Variants in KIAA1958 observed in about 807,000 individuals in gnomAD.
KIAA1958 encodes the protein uncharacterized protein KIAA1958.
KIAA1958 carries 14 observed loss-of-function variants against 47.2 expected under a neutral mutation model. That is an observed-to-expected ratio of 0.30 (90% CI 0.20 to 0.46). The LOEUF is 0.46. KIAA1958 is among the 20% of genes least tolerant of loss of function. KIAA1958 has a pLI of 1.00. For synonymous variants in KIAA1958, 354 were observed against 353.3 expected, an observed-to-expected ratio of 1.00 and a Z score of -0.02; for missense variants, 803 against 909.2, an observed-to-expected ratio of 0.88 and a Z score of 1.50.
chr9:112,517,373 T>A lies in KIAA1958; in HGVS notation c.-25+30255T>A, dbSNP rs1027182118. The stretch of plus-strand genomic sequence containing the variant: ...TGAATTTCATTTTATTTTTGAAAAA[T>A]TTTTTTTCAATAAACCTTTTGCACT... On this transcript the variant is annotated intron_variant, in intron 1 of 3. Transcript: ENST00000337530. Among the ~76,000 whole-genome samples the A allele has an allele frequency of 3.9e-5, 6 of 152,232 alleles. No individual in the cohort carries two copies. The East Asian group carries it at 5.8e-4, about 15-fold the overall frequency.
rs138633238 is a variant in KIAA1958, at chr9:112,629,233, A to G, written c.1172-16417A>G. Among the ~76,000 whole-genome samples the G allele has an allele frequency of 2.5e-3, 375 of 152,266 alleles. 2 individuals carry two copies. The highest frequency in any genetic ancestry group is 8.7e-3 in the African/African-American group (363 of 41,556). ...TAACCACAATTAATACTTAGAGAAA[A>G]TTGTTTCAACAGATTAACTCTGCTA... On this transcript the variant is annotated intron_variant, in intron 2 of 3. Transcript: ENST00000337530.
At position 112,635,319 on chromosome 9, in the gene KIAA1958, C is replaced by T. The variant is rs760254080; in HGVS notation, c.1172-10331C>T. On this transcript the variant is annotated intron_variant, in intron 2 of 3. Coordinates refer to ENST00000337530, the MANE Select transcript of KIAA1958 (RefSeq NM_133465.4). ...AGGCTGGAGTGCAGTGGTGCAATCT[C>T]GGTTCACTACAACCTCTGCCTCCCA... is the stretch of plus-strand genomic sequence containing the variant. 3.3e-5 allele frequency among the ~76,000 whole-genome samples: 5 copies of T among 150,902 alleles called. No homozygotes were observed. The Admixed American group carries it at 3.3e-4, about 10-fold the overall frequency.
At chr9:112,494,071 C>T (rs1834013875) in intron 1 of KIAA1958, among the ~76,000 whole-genome samples, 1 of 152,212 alleles carries the variant, frequency 6.6e-6, no homozygotes, top group Non-Finnish European at 1.5e-5. Flanking sequence ...TTTGCTGAGT[C>T]ATATTCTATT....
At chr9:112,497,259 T>C (rs1007351734) in intron 1 of KIAA1958, among the ~76,000 whole-genome samples, 1 of 152,154 alleles carries the variant, frequency 6.6e-6, no homozygotes, top group Non-Finnish European at 1.5e-5. Flanking sequence ...TGTAACTGTA[T>C]TTAGAAGCTA....
intron 1 of KIAA1958, among the ~76,000 whole-genome samples, chr9:112,534,691 C>T (rs982773394): frequency 1.3e-5 from 2 of 151,990 alleles, no homozygotes; most frequent in African/African-American, 4.8e-5. Flanking sequence ...TTATGGCATC[C>T]ACCACCATGC....
chr9:112,533,218 A>G (rs1455870544), intron 1 of KIAA1958, among the ~76,000 whole-genome samples: 2 of 152,036 alleles, frequency 1.3e-5, no homozygotes, highest in South Asian at 2.1e-4. Context: ...TAAGGGATGT[A>G]TTAATCTGTT....
At chr9:112,487,490 T>TGGGAAGGAGGGC (rs1288413746) in intron 1 of KIAA1958, among the ~76,000 whole-genome samples, 2 of 151,608 alleles carry the variant, frequency 1.3e-5, no homozygotes, top group African/African-American at 2.4e-5. Flanking sequence ...CTGTCGGAGG[T>TGGGAAGGAGGGC]GGGAAGGAGG....
chr9:112,559,173 G>A (rs1835288973), intron 1 of KIAA1958, among the ~76,000 whole-genome samples: 1 of 152,152 alleles, frequency 6.6e-6, no homozygotes, highest in Non-Finnish European at 1.5e-5. Context: ...TGGAGTCAAG[G>A]GTGACTTGCA....
Position 112,489,773 on chromosome 9 carries a change from C to T in KIAA1958, c.-25+2655C>T, listed in dbSNP as rs1336541903. Among the ~76,000 whole-genome samples, 5 of 151,916 alleles carry T rather than the reference C, an allele frequency of 3.3e-5. No homozygotes were observed. In the East Asian group the frequency reaches 7.7e-4, roughly 23 times the overall value. On this transcript the variant is annotated intron_variant, in intron 1 of 3. Coordinates refer to ENST00000337530, the MANE Select transcript of KIAA1958 (RefSeq NM_133465.4). Reference sequence around the variant, plus strand: ...TTCTCTTTTTAAAACAACATTAAGCCGTCCACAGTTAAATTTGATAGGCTT... The same window carrying T: ...TTCTCTTTTTAAAACAACATTAAGCTGTCCACAGTTAAATTTGATAGGCTT...
chr9:112,656,777 C>T (rs558994343), intron 3 of KIAA1958, among the ~76,000 whole-genome samples: 50 of 152,242 alleles, frequency 3.3e-4, no homozygotes, highest in African/African-American at 1.2e-3. Flanking sequence ...TATTGAGATC[C>T]TTTACCTTTT....
intron 2 of KIAA1958, among the ~76,000 whole-genome samples, chr9:112,629,902 C>G (rs1018918206): frequency 6.6e-6 from 1 of 152,170 alleles, no homozygotes; most frequent in Non-Finnish European, 1.5e-5. Context: ...GCATGATGAC[C>G]AGTCTTCATT....
intron 1 of KIAA1958, among the ~76,000 whole-genome samples, chr9:112,491,454 C>T (rs1833967124): frequency 6.6e-6 from 1 of 152,156 alleles, no homozygotes; most frequent in South Asian, 2.1e-4. Context: ...CTTTCTCCTT[C>T]ACCTTACTCT....
chr9:112,643,932 C>T (rs1240665762), intron 2 of KIAA1958, among the ~76,000 whole-genome samples: 1 of 152,146 alleles, frequency 6.6e-6, no homozygotes, highest in Non-Finnish European at 1.5e-5. Flanking sequence ...AATCCCAGCA[C>T]TTTGGGAGGC....
intron 1 of KIAA1958, among the ~76,000 whole-genome samples, chr9:112,495,675 A>G (rs1255749462): frequency 1.3e-5 from 2 of 152,188 alleles, no homozygotes; most frequent in African/African-American, 4.8e-5. Context: ...CATTAGTTCT[A>G]CTGTAAGATC....
At chr9:112,512,814 C>T (rs1834344497) in intron 1 of KIAA1958, among the ~76,000 whole-genome samples, 1 of 151,522 alleles carries the variant, frequency 6.6e-6, no homozygotes, top group Admixed American at 6.6e-5. Context: ...GACACCAGAG[C>T]AGTCAGGGAT....
At chr9:112,582,364 C>T (rs1405881379) in intron 2 of KIAA1958, 2 of 152,076 alleles carry the variant, frequency 1.3e-5, no homozygotes. Context: ...AATATATACA[C>T]CTACTATGTA....
At chr9:112,602,430 T>C (rs181792362) in intron 2 of KIAA1958, among the ~76,000 whole-genome samples, 77 of 152,290 alleles carry the variant, frequency 5.1e-4, no homozygotes, top group Non-Finnish European at 9.8e-4. Context: ...TAAGAAAATT[T>C]GATTTCTTTC....
intron 1 of KIAA1958, among the ~76,000 whole-genome samples, chr9:112,541,280 G>A (rs1307129617): frequency 6.6e-6 from 1 of 151,708 alleles, no homozygotes; most frequent in Non-Finnish European, 1.5e-5. Flanking sequence ...ATTATTGATT[G>A]GGTTAAGGAC....
At chr9:112,581,761 C>T (rs921078789) in intron 2 of KIAA1958, 12 of 214,820 alleles carry the variant, frequency 5.6e-5, no homozygotes, top group Non-Finnish European at 1.1e-4. Context: ...CCCATTTAAC[C>T]TCTGTCACAA....
Sources: gnomAD v4.1 joint callset for allele counts (sites outside exome capture counted in the v4.1 genomes callset) on GRCh38, gnomAD v4.1.1 for gene constraint, MANE v1.5 for transcripts, NCBI Gene and HGNC (gene_info 2026-07-23, HGNC 2026-07-21) for gene names.